The following NFIB variants were observed in gnomAD, a reference collection of about 807,000 sequenced individuals.
The protein encoded by NFIB is nuclear factor I B, also known as nuclear factor 1 B-type.
Under a neutral mutation model 61.5 loss-of-function variants are expected in NFIB, and 11 were observed. The observed-to-expected ratio is 0.18, with a 90% CI of 0.11 to 0.30. NFIB has a LOEUF of 0.30. Ranked by LOEUF, NFIB falls within the 10% of genes least tolerant of loss-of-function variation. The pLI is 1.00. For synonymous variants in NFIB, 260 were observed against 216.5 expected, an observed-to-expected ratio of 1.20 and a Z score of -1.76; for missense variants, 471 against 608.9, an observed-to-expected ratio of 0.77 and a Z score of 2.38.
rs1183574028 is a variant in NFIB at position 14,085,017 on chromosome 9, T to A, written c.*3292A>T. On this transcript the variant is annotated 3_prime_UTR_variant, in exon 11 of 11. Transcript: ENST00000380953. Reference sequence around the variant, plus strand: ...AAAAATACTGTGTGTCCTGTGAGGTTCATTTGTTCACCTAATAGGTCAAAG... The same window carrying A: ...AAAAATACTGTGTGTCCTGTGAGGTACATTTGTTCACCTAATAGGTCAAAG... 4 of 228,722 alleles carry A rather than the reference T, an allele frequency of 1.7e-5. No individual in the cohort carries two copies. The highest frequency in any genetic ancestry group is 8.9e-5 in the African/African-American group (4 of 45,050). The allele number at this position is 228,722 out of a possible 1,614,324, so 14.2% of individuals were successfully genotyped here.
At chr9:14,107,680 C>T (rs1235639903) in intron 10 of NFIB, among the ~76,000 whole-genome samples, 2 of 152,092 alleles carry the variant, frequency 1.3e-5, no homozygotes, top group Non-Finnish European at 2.9e-5. Context: ...AAAACCCAAA[C>T]CTTCTGACTC....
intron 2 of NFIB, among the ~76,000 whole-genome samples, chr9:14,185,490 C>G (rs1170718843): frequency 6.6e-6 from 1 of 152,166 alleles, no homozygotes; most frequent in African/African-American, 2.4e-5. Flanking sequence ...CAAGTCTGTG[C>G]ATAATGTTCC....
the NFIB span, among the ~76,000 whole-genome samples, chr9:14,454,018 G>A: frequency 3.3e-5 from 5 of 151,942 alleles, no homozygotes; most frequent in Non-Finnish European, 4.4e-5. Flanking sequence ...GCAATGAGCC[G>A]AGATCGCGCC....
the NFIB span, among the ~76,000 whole-genome samples, chr9:14,418,589 C>T: frequency 2.6e-5 from 4 of 152,160 alleles, no homozygotes; most frequent in East Asian, 1.9e-4. Flanking sequence ...GCAGAGTCTG[C>T]GTGTGAGCCC....
At chr9:14,463,762 G>A in the NFIB span, among the ~76,000 whole-genome samples, 4 of 147,310 alleles carry the variant, frequency 2.7e-5, no homozygotes, top group African/African-American at 7.5e-5. Flanking sequence ...CCGGGTTCAC[G>A]CCATTCTCCT....
chr9:14,322,234 C>T, intron 1 of NFIB: 10 of 711,418 alleles, frequency 1.4e-5, no homozygotes, highest in Non-Finnish European at 1.9e-5. Context: ...GGATTTCCAG[C>T]TTTCTTTCCT....
At chr9:14,261,157 A>AAATCC in intron 2 of NFIB, among the ~76,000 whole-genome samples, 1 of 152,278 alleles carries the variant, frequency 6.6e-6, no homozygotes, top group African/African-American at 2.4e-5. Context: ...TCTCTACTAA[A>AAATCC]AATCCAAAAA....
chr9:14,420,155 G>A, the NFIB span, among the ~76,000 whole-genome samples: 7 of 151,912 alleles, frequency 4.6e-5, no homozygotes, highest in African/African-American at 1.7e-4. Flanking sequence ...CAACAATGAC[G>A]TTATTAAAGA....
At chr9:14,217,062 C>T (rs965789204) in intron 2 of NFIB, among the ~76,000 whole-genome samples, 2 of 152,204 alleles carry the variant, frequency 1.3e-5, no homozygotes, top group African/African-American at 4.8e-5. Context: ...AAATGACTAA[C>T]ATTTGAATTC....
At chr9:14,209,252 G>A (rs1185598311) in intron 2 of NFIB, among the ~76,000 whole-genome samples, 1 of 152,076 alleles carries the variant, frequency 6.6e-6, no homozygotes. Flanking sequence ...ATACTAAGCT[G>A]GTATTTCTTT....
the NFIB span, chr9:14,532,063 A>G: frequency 6.6e-6 from 1 of 152,514 alleles, no homozygotes; most frequent in East Asian, 1.9e-4. Flanking sequence ...TCAATGGAAG[A>G]TAAGACACCT....
intron 2 of NFIB, among the ~76,000 whole-genome samples, chr9:14,247,332 A>G (rs1389289720): frequency 6.6e-6 from 1 of 152,212 alleles, no homozygotes; most frequent in Non-Finnish European, 1.5e-5. Context: ...TCACCATTTT[A>G]CAGACAGATC....
At chr9:14,257,837 G>A (rs185182780) in intron 2 of NFIB, among the ~76,000 whole-genome samples, 1 of 152,086 alleles carries the variant, frequency 6.6e-6, no homozygotes, top group Admixed American at 6.6e-5. Context: ...CCTTGTCATT[G>A]AATTTATTAA....
At chr9:14,464,330 A>C in the NFIB span, among the ~76,000 whole-genome samples, 2 of 152,208 alleles carry the variant, frequency 1.3e-5, no homozygotes, top group African/African-American at 4.8e-5. Flanking sequence ...CAGAGACCTC[A>C]AATTGTAAAC....
chr9:14,212,453 T>C (rs1282434376), intron 2 of NFIB, among the ~76,000 whole-genome samples: 1 of 152,166 alleles, frequency 6.6e-6, no homozygotes, highest in Non-Finnish European at 1.5e-5. Flanking sequence ...TGTGCTTAAG[T>C]ATCCCTACTA....
intron 6 of NFIB, among the ~76,000 whole-genome samples, chr9:14,130,091 C>T (rs749916646): frequency 7.9e-5 from 12 of 151,878 alleles, no homozygotes; most frequent in Non-Finnish European, 5.9e-5. Flanking sequence ...CTGTTCTCAC[C>T]GCCCTTTTCA....
chr9:14,198,872 A>G (rs1039195494), intron 2 of NFIB, among the ~76,000 whole-genome samples: 1 of 152,052 alleles, frequency 6.6e-6, no homozygotes, highest in African/African-American at 2.4e-5. Flanking sequence ...ACCAATCTCC[A>G]CTTTTCTCCC....
chr9:14,285,001 C>CA (rs1168673317), intron 2 of NFIB, among the ~76,000 whole-genome samples: 5 of 151,968 alleles, frequency 3.3e-5, no homozygotes, highest in African/African-American at 7.2e-5. Flanking sequence ...CAAGAGAAAA[C>CA]AAAAAATGAG....
chr9:14,187,273 C>T (rs1366281075), intron 2 of NFIB, among the ~76,000 whole-genome samples: 4 of 151,446 alleles, frequency 2.6e-5, no homozygotes, highest in Non-Finnish European at 4.4e-5. Context: ...TTAGTGAATC[C>T]GTACTCCTCC....
Sources: allele counts gnomAD v4.1 joint callset (sites outside exome capture counted in the v4.1 genomes callset), GRCh38; gene constraint gnomAD v4.1.1; transcripts MANE v1.5; gene names NCBI Gene and HGNC (gene_info 2026-07-23, HGNC 2026-07-21).